VWA3B: variants seen among roughly 807,000 people sequenced by gnomAD.
VWA3B encodes von Willebrand factor A domain-containing protein 3B.
VWA3B carries 138 observed loss-of-function variants against 158.3 expected under a neutral mutation model. The ratio of observed to expected loss-of-function variants is 0.87; its 90% confidence interval spans 0.76 to 1.00. The LOEUF (loss-of-function observed/expected upper bound fraction) is 1.00. Ranked by LOEUF, VWA3B falls within the 50% of genes least tolerant of loss-of-function variation. The pLI, the probability that VWA3B is intolerant of heterozygous loss-of-function variation, is 0.00. For synonymous variants in VWA3B, 596 were observed against 587.3 expected (o/e 1.01, Z -0.21); for missense variants, 1,555 against 1,565.1 (o/e 0.99, Z 0.11).
chr2:98,241,053 A>G (rs1027677170), intron 19 of VWA3B, among the ~76,000 whole-genome samples: 3 of 152,138 alleles, frequency 2.0e-5, no homozygotes, highest in Admixed American at 1.3e-4. Flanking sequence ...TTCTAGTTAA[A>G]TGTGACGAGT....
intron 2 of VWA3B, among the ~76,000 whole-genome samples, chr2:98,111,470 T>C (rs991774236): frequency 3.9e-5 from 6 of 152,198 alleles, no homozygotes; most frequent in African/African-American, 1.4e-4. Flanking sequence ...TAAAGAAATC[T>C]CCATCCTGTT....
intron 8 of VWA3B, among the ~76,000 whole-genome samples, chr2:98,168,114 G>A (rs937922704): frequency 5.9e-5 from 9 of 152,114 alleles, no homozygotes; most frequent in South Asian, 4.1e-4. Flanking sequence ...AATGTCATCC[G>A]TGATAAGTAG....
rs531041243 is a variant in VWA3B, at chr2:98,312,540, G to A, written c.*191G>A. On this transcript the variant is annotated 3_prime_UTR_variant, in exon 28 of 28. Coordinates refer to ENST00000477737, the MANE Select transcript of VWA3B (RefSeq NM_144992.5). ...CCTCCCCTACCCGTTTGACGACTTGGTTCTGGCTTTTTCTGACTGTTCTTT... is the reference window on the plus strand; with the variant it reads ...CCTCCCCTACCCGTTTGACGACTTGATTCTGGCTTTTTCTGACTGTTCTTT... 11 of 655,756 alleles carry A rather than the reference G, an allele frequency of 1.7e-5. No homozygotes were observed. In the Admixed American group the frequency reaches 1.9e-4, roughly 11 times the overall value. The allele number at this position is 655,756 out of a possible 1,614,324, so 40.6% of individuals were successfully genotyped here.
Position 98,312,461 on chromosome 2 carries a change from C to A in VWA3B, c.*112C>A. On this transcript the variant is annotated 3_prime_UTR_variant, in exon 28 of 28. Coordinates refer to ENST00000477737, the MANE Select transcript of VWA3B (RefSeq NM_144992.5). ...GCGGAGGTAAGGCCGCCCTCCGCGC[C>A]GCCTATGCCTGCCCTGTCTGTAGCA... 1 of 1,333,080 alleles carries A rather than the reference C, an allele frequency of 7.5e-7. No individual in the cohort carries two copies. The highest frequency in any genetic ancestry group is 1.0e-6 in the Non-Finnish European group (1 of 992,326). 82.6% of individuals were successfully genotyped at this position (1,333,080 alleles called of 1,614,324 possible).
intron 9 of VWA3B, among the ~76,000 whole-genome samples, chr2:98,185,241 A>G (rs1187235470): frequency 2.6e-5 from 4 of 151,960 alleles, no homozygotes; most frequent in Non-Finnish European, 2.9e-5. Context: ...TGTCTCCTCC[A>G]CCAGGATATA....
intron 19 of VWA3B, among the ~76,000 whole-genome samples, chr2:98,243,923 A>G (rs1313084170): frequency 1.3e-5 from 2 of 152,196 alleles, no homozygotes; most frequent in East Asian, 3.8e-4. Flanking sequence ...AAGCTCTGGG[A>G]TATTTACTGG....
At position 98,230,039 on chromosome 2, in the gene VWA3B, A is replaced by C. The variant is rs200876537; in HGVS notation, c.2151-11A>C. On this transcript the variant is annotated splice_polypyrimidine_tract_variant and intron_variant, in intron 15 of 27. Transcript: ENST00000477737. ...CTTTTTTTGCTCGACTTTTTATCTA[A>C]ATCAAAACAGGCATCAAAAGGAAAT... The C allele has an allele frequency of 5.8e-6, 9 of 1,560,814 alleles. No homozygotes were observed. The highest frequency in any genetic ancestry group is 6.9e-6 in the Non-Finnish European group (8 of 1,161,630).
chr2:98,300,614 C>T (rs1221461133), intron 25 of VWA3B, among the ~76,000 whole-genome samples: 1 of 152,058 alleles, frequency 6.6e-6, no homozygotes, highest in Non-Finnish European at 1.5e-5. Context: ...ACTTGGTCAC[C>T]TCCTGGGCCA....
At chr2:98,203,082 T>C (rs570190361) in intron 12 of VWA3B, among the ~76,000 whole-genome samples, 184 of 152,314 alleles carry the variant, frequency 1.2e-3, no homozygotes, top group African/African-American at 4.2e-3. Context: ...CTGCCCGCCT[T>C]GGCCTCCCAA....
At chr2:98,329,036 A>G in the VWA3B span, among the ~76,000 whole-genome samples, 1 of 152,236 alleles carries the variant, frequency 6.6e-6, no homozygotes, top group Non-Finnish European at 1.5e-5. Context: ...CCACACACAT[A>G]TATGGTCAAC....
chr2:98,097,325 A>G (rs966766727), intron 2 of VWA3B, among the ~76,000 whole-genome samples: 8 of 152,142 alleles, frequency 5.3e-5, no homozygotes, highest in Admixed American at 4.6e-4. Flanking sequence ...CATAGCTTAG[A>G]TCTCACTTAT....
intron 19 of VWA3B, among the ~76,000 whole-genome samples, chr2:98,241,924 T>A (rs562276068): frequency 6.6e-6 from 1 of 152,278 alleles, no homozygotes; most frequent in East Asian, 1.9e-4. Context: ...TAATATTTTC[T>A]CTGACTGGAA....
At chr2:98,165,320 T>C (rs150331662) in intron 8 of VWA3B, among the ~76,000 whole-genome samples, 248 of 152,360 alleles carry the variant, frequency 1.6e-3, no homozygotes, top group African/African-American at 5.6e-3. Flanking sequence ...GCTAATGAGA[T>C]GATGAAGCCT....
In VWA3B at chr2:98,291,699, A is replaced by C. The variant is rs1049333769; in HGVS notation, c.3157+1077A>C. ...GTCCCTGGCTTCGGGTGGTAGATAG[A>C]TAGTGGTACCTACAGGAGATGGTGG... On this transcript the variant is annotated intron_variant, in intron 23 of 27. Coordinates refer to ENST00000477737, the MANE Select transcript of VWA3B (RefSeq NM_144992.5). 10 of 152,386 alleles carry C rather than the reference A, an allele frequency of 6.6e-5. No homozygotes were observed. In the East Asian group the frequency reaches 1.9e-3, roughly 29 times the overall value. The allele number at this position is 152,386 out of a possible 1,614,324, so 9.4% of individuals were successfully genotyped here. A position where few individuals can be genotyped will look rare whatever the true frequency, so the allele number is the denominator to read the frequency against.
chr2:98,091,375 G>A (rs147490839), intron 1 of VWA3B, among the ~76,000 whole-genome samples: 285 of 152,312 alleles, frequency 1.9e-3, no homozygotes, highest in Middle Eastern at 3.4e-3. Flanking sequence ...AAGAAGCTGT[G>A]AGCTAGTGCG....
intron 13 of VWA3B, among the ~76,000 whole-genome samples, chr2:98,216,502 G>A (rs1360828347): frequency 6.6e-6 from 1 of 152,252 alleles, no homozygotes; most frequent in Non-Finnish European, 1.5e-5. Flanking sequence ...TGATCAACCT[G>A]CACATGCACA....
At chr2:98,141,204 A>G (rs1162004295) in intron 7 of VWA3B, among the ~76,000 whole-genome samples, 2 of 152,180 alleles carry the variant, frequency 1.3e-5, no homozygotes, top group Admixed American at 1.3e-4. Flanking sequence ...GGCCTGAAAA[A>G]TCATCTTCTA....
At chr2:98,121,966 T>C (rs1401673674) in intron 5 of VWA3B, 1 of 153,382 alleles carries the variant, frequency 6.5e-6, no homozygotes, top group African/African-American at 2.4e-5. Flanking sequence ...CACAGATGGA[T>C]CTGTCATCTG....
intron 19 of VWA3B, 69 bp downstream of exon 19, chr2:98,236,799 A>G (rs1685724560): frequency 1.3e-6 from 2 of 1,538,572 alleles, no homozygotes; most frequent in African/African-American, 2.8e-5. Flanking sequence ...AAAGTAGTCC[A>G]ATTTCTTGTG....
Sources: allele counts gnomAD v4.1 joint callset (sites outside exome capture counted in the v4.1 genomes callset), GRCh38; gene constraint gnomAD v4.1.1; transcripts MANE v1.5; gene names NCBI Gene and HGNC (gene_info 2026-07-23, HGNC 2026-07-21).